The following KCNH8 variants were observed in gnomAD, a reference collection of about 807,000 sequenced individuals.
KCNH8 encodes the protein potassium voltage-gated channel subfamily H member 8.
In KCNH8, 70 loss-of-function variants were observed where a neutral mutation model predicts 103.6. The observed-to-expected ratio is 0.68, with a 90% CI of 0.56 to 0.82. The LOEUF (loss-of-function observed/expected upper bound fraction) is 0.82. Ranked by LOEUF, KCNH8 falls within the 40% of genes least tolerant of loss-of-function variation. KCNH8 has a pLI of 0.00. For missense variants in KCNH8, 1,217 were observed against 1,329.9 expected, an observed-to-expected ratio of 0.92 and a Z score of 1.32; for synonymous variants, 498 against 489.4, an observed-to-expected ratio of 1.02 and a Z score of -0.23.
chr3:19,509,623 A>AT (rs2068750324), intron 11 of KCNH8, among the ~76,000 whole-genome samples: 1 of 152,100 alleles, frequency 6.6e-6, no homozygotes, highest in Non-Finnish European at 1.5e-5. Context: ...TAAGATATAT[A>AT]TTTTTCCCCA....
intron 2 of KCNH8, among the ~76,000 whole-genome samples, chr3:19,261,896 C>T (rs934258282): frequency 1.3e-5 from 2 of 151,516 alleles, no homozygotes; most frequent in Admixed American, 6.6e-5. Flanking sequence ...TTTTTGATGT[C>T]CTTGTCAAAA....
At position 19,450,272 on chromosome 3, in the gene KCNH8, C is replaced by G. The variant is rs1377704329; in HGVS notation, c.1542C>G (p.Thr514=). The G allele has an allele frequency of 6.2e-7, 1 of 1,613,528 alleles. No individual in the cohort carries two copies. Among genetic ancestry groups the G allele is most frequent in the Non-Finnish European group, 8.5e-7 (1 of 1,179,608 alleles). Residue 514 remains threonine (T), a synonymous_variant, in exon 9 of 16, where the codon ACC becomes ACG. Transcript: ENST00000328405. ...GGATGCTCGAATATTTTCAAACAAC[C>G]TGGTCAGTCAACAATGGAATAGATT... ...KQRMLEYFQT[T]WSVNNGIDSN...
intron 7 of KCNH8, among the ~76,000 whole-genome samples, chr3:19,423,666 C>A (rs1015235426): frequency 6.6e-6 from 1 of 151,018 alleles, no homozygotes; most frequent in African/African-American, 2.4e-5. Flanking sequence ...GTCACATTTT[C>A]TGTATCCACG....
intron 3 of KCNH8, among the ~76,000 whole-genome samples, chr3:19,313,337 T>A (rs991931792): frequency 1.3e-5 from 2 of 151,902 alleles, no homozygotes; most frequent in Admixed American, 1.3e-4. Flanking sequence ...TCAAGTCCTG[T>A]CTCTCCCACT....
rs546599611 is a variant in KCNH8, at chr3:19,482,784, C to T, written c.2040+25802C>T. On this transcript the variant is annotated intron_variant, in intron 11 of 15. Transcript: ENST00000328405. ...GACAGCAATTAGTAAGGTTAAATTT[C>T]CTACAGACCCCTCCTTCAGCTGCTA... Among the ~76,000 whole-genome samples the T allele has an allele frequency of 2.6e-5, 4 of 152,254 alleles. No individual in the cohort carries two copies. The East Asian group carries it at 7.7e-4, about 29-fold the overall frequency.
At chr3:19,173,290 C>G (rs751680647) in intron 1 of KCNH8, among the ~76,000 whole-genome samples, 7 of 152,076 alleles carry the variant, frequency 4.6e-5, no homozygotes, top group Non-Finnish European at 8.8e-5. Context: ...ACTGGACCGG[C>G]AATGTGAGTG....
In KCNH8 at chr3:19,216,262, A is replaced by C. The variant is rs193018463; in HGVS notation, c.77-37392A>C. Among the ~76,000 whole-genome samples the C allele has an allele frequency of 2.5e-3, 383 of 152,346 alleles. 2 individuals are homozygous for C. The highest frequency in any genetic ancestry group is 7.6e-3 in the Admixed American group (117 of 15,302). ...GGGAATGGAGAGAGAAAAAAATAGA[A>C]ACAACTTACAGTGCTAGCAGAGGCA... On this transcript the variant is annotated intron_variant, in intron 1 of 15. Coordinates refer to ENST00000328405, the MANE Select transcript of KCNH8 (RefSeq NM_144633.3).
intron 6 of KCNH8, among the ~76,000 whole-genome samples, chr3:19,391,166 T>C (rs2066431567): frequency 6.6e-6 from 1 of 152,122 alleles, no homozygotes; most frequent in South Asian, 2.1e-4. Context: ...CTGTTGGATG[T>C]AGCAAAAATC....
chr3:19,440,309 C>T (rs116304197), intron 8 of KCNH8, among the ~76,000 whole-genome samples: 1 of 152,180 alleles, frequency 6.6e-6, no homozygotes, highest in African/African-American at 2.4e-5. Context: ...AGGCTTGATT[C>T]AACCATTTAT....
At chr3:19,511,647 A>C (rs2068784636) in intron 12 of KCNH8, among the ~76,000 whole-genome samples, 1 of 152,148 alleles carries the variant, frequency 6.6e-6, no homozygotes, top group South Asian at 2.1e-4. Context: ...AAACGCTGTG[A>C]AAAACAAACA....
At chr3:19,332,869 G>A (rs2065530860) in intron 3 of KCNH8, among the ~76,000 whole-genome samples, 1 of 152,084 alleles carries the variant, frequency 6.6e-6, no homozygotes. Flanking sequence ...CTGACCTCAA[G>A]TGATCCGCCC....
intron 1 of KCNH8, among the ~76,000 whole-genome samples, chr3:19,232,755 T>C (rs954709176): frequency 6.6e-6 from 1 of 152,180 alleles, no homozygotes; most frequent in African/African-American, 2.4e-5. Context: ...CTGAGAGGTA[T>C]GGTATGAAAG....
At chr3:19,361,313 G>T (rs568719867) in intron 5 of KCNH8, among the ~76,000 whole-genome samples, 8 of 152,032 alleles carry the variant, frequency 5.3e-5, no homozygotes, top group African/African-American at 1.9e-4. Context: ...ACATTTTTCT[G>T]CCCAAACAGT....
At chr3:19,398,056 T>C (rs1410509246) in intron 7 of KCNH8, among the ~76,000 whole-genome samples, 1 of 151,986 alleles carries the variant, frequency 6.6e-6, no homozygotes, top group Non-Finnish European at 1.5e-5. Flanking sequence ...AGAGAGCATG[T>C]TGTTCCTTAT....
intron 8 of KCNH8, among the ~76,000 whole-genome samples, chr3:19,440,735 T>C (rs1035941013): frequency 3.3e-5 from 5 of 152,170 alleles, no homozygotes; most frequent in Non-Finnish European, 7.3e-5. Flanking sequence ...GTCTATTATA[T>C]GCCAACACCA....
At chr3:19,347,576 C>A in intron 4 of KCNH8, 149 bp from the exon 5 acceptor site, 1 of 824,218 alleles carries the variant, frequency 1.2e-6, no homozygotes, top group Non-Finnish European at 1.9e-6. Flanking sequence ...TGTTTAGATG[C>A]TTTGCGTCAC....
chr3:19,281,131 T>A, intron 2 of KCNH8, 67 bp from the exon 3 acceptor site: 1 of 1,514,282 alleles, frequency 6.6e-7, no homozygotes. Flanking sequence ...TTATTGATGA[T>A]TGAGATTTCC....
intron 2 of KCNH8, among the ~76,000 whole-genome samples, chr3:19,271,331 G>A (rs1261212442): frequency 6.6e-6 from 1 of 151,834 alleles, no homozygotes; most frequent in East Asian, 1.9e-4. Flanking sequence ...TTTTTAACTC[G>A]AGCAATCTGA....
chr3:19,461,033 T>G (rs1340689493), intron 11 of KCNH8, among the ~76,000 whole-genome samples: 1 of 152,208 alleles, frequency 6.6e-6, no homozygotes, highest in Non-Finnish European at 1.5e-5. Context: ...GTCTCAGGTA[T>G]GTTTTTATTA....
Sources: allele counts gnomAD v4.1 joint callset (sites outside exome capture counted in the v4.1 genomes callset), GRCh38; gene constraint gnomAD v4.1.1; transcripts MANE v1.5; gene names NCBI Gene and HGNC (gene_info 2026-07-23, HGNC 2026-07-21).